The following NALCN variants were observed in gnomAD, a reference collection of about 807,000 sequenced individuals.
NALCN encodes the protein sodium leak channel, non-selective.
Under a neutral mutation model 225.3 loss-of-function variants are expected in NALCN, and 111 were observed. The ratio of observed to expected loss-of-function variants is 0.49; its 90% CI spans 0.42 to 0.58. NALCN has a LOEUF of 0.58. NALCN is among the 20% of genes least tolerant of loss of function. The pLI, the probability that NALCN is intolerant of heterozygous loss-of-function variation, is 0.00. For synonymous variants in NALCN, 764 were observed against 769.0 expected (o/e 0.99, Z 0.11); for missense variants, 1,378 against 2,202.4 (o/e 0.63, Z 7.49).
At position 101,128,690 on chromosome 13, in the gene NALCN, T is replaced by TG. The variant is rs546088229; in HGVS notation, c.2119-4010dup. Among the ~76,000 whole-genome samples the TG allele has an allele frequency of 2.6e-3, 402 of 152,240 alleles. 2 individuals are homozygous for TG. Among genetic ancestry groups the TG allele is most frequent in the African/African-American group, 9.2e-3 (384 of 41,528 alleles). ...CTCCTGTCTCAGCCTTCTGAGTAGCTGGGACTACAGGCGTGTGCCATCACA... is the reference window on the plus strand; with the variant it reads ...CTCCTGTCTCAGCCTTCTGAGTAGCTGGGGACTACAGGCGTGTGCCATCACA... On this transcript the variant is annotated intron_variant, in intron 17 of 43. Coordinates refer to ENST00000251127, the MANE Select transcript of NALCN (RefSeq NM_052867.4).
chr13:101,389,660 C>A (rs918058417), intron 3 of NALCN, among the ~76,000 whole-genome samples: 4 of 152,170 alleles, frequency 2.6e-5, no homozygotes, highest in African/African-American at 9.7e-5. Context: ...CTCGTACTGA[C>A]AATATGCAGA....
chr13:101,222,435 A>C (rs1309290918), intron 13 of NALCN, among the ~76,000 whole-genome samples: 2 of 152,088 alleles, frequency 1.3e-5, no homozygotes, highest in Non-Finnish European at 2.9e-5. Context: ...GATCCTGACC[A>C]ATACTCATGC....
intron 11 of NALCN, among the ~76,000 whole-genome samples, chr13:101,253,927 A>G (rs1228042365): frequency 2.0e-5 from 3 of 152,364 alleles, no homozygotes; most frequent in African/African-American, 7.2e-5. Flanking sequence ...TAAAAATAGA[A>G]TATATTATGA....
intron 7 of NALCN, among the ~76,000 whole-genome samples, chr13:101,338,334 AT>A (rs1566591761): frequency 6.6e-6 from 1 of 152,168 alleles, no homozygotes; most frequent in Non-Finnish European, 1.5e-5. Flanking sequence ...TTTATTCTGG[AT>A]TTTTTTGAAA....
At position 101,184,948 on chromosome 13, in the gene NALCN, T is replaced by G. The variant is rs149377968; in HGVS notation, c.1764+6969A>C. Reference sequence around the variant, plus strand: ...ATGTCCCTTTAGCTGAAATTTCACCTTTAATCTTATTTTCTTCTTTGCTGT... The same window carrying G: ...ATGTCCCTTTAGCTGAAATTTCACCGTTAATCTTATTTTCTTCTTTGCTGT... On this transcript the variant is annotated intron_variant, in intron 14 of 43. Coordinates refer to ENST00000251127, the MANE Select transcript of NALCN (RefSeq NM_052867.4). Among the ~76,000 whole-genome samples, 500 of 152,032 alleles carry G rather than the reference T, an allele frequency of 3.3e-3. 3 individuals carry two copies. Among genetic ancestry groups the G allele is most frequent in the Non-Finnish European group, 5.6e-3 (383 of 67,976 alleles).
At chr13:101,341,454 T>C (rs917950090) in intron 7 of NALCN, among the ~76,000 whole-genome samples, 2 of 152,204 alleles carry the variant, frequency 1.3e-5, no homozygotes, top group Non-Finnish European at 2.9e-5. Flanking sequence ...AATGTTTTCT[T>C]TAGCTTTGAT....
At chr13:101,262,998 A>G (rs567084372) in intron 10 of NALCN, among the ~76,000 whole-genome samples, 39 of 152,380 alleles carry the variant, frequency 2.6e-4, no homozygotes, top group African/African-American at 8.4e-4. Context: ...TTGTGAATCA[A>G]GCATTTTTCT....
intron 7 of NALCN, among the ~76,000 whole-genome samples, chr13:101,326,839 A>G (rs760023289): frequency 6.6e-5 from 10 of 152,192 alleles, no homozygotes; most frequent in Non-Finnish European, 1.2e-4. Flanking sequence ...TAGTCGGAGA[A>G]GGCTTTGTTC....
intron 7 of NALCN, 92 bp downstream of exon 7, chr13:101,345,174 C>T: frequency 7.6e-7 from 1 of 1,318,322 alleles, no homozygotes; most frequent in South Asian, 1.5e-5. Context: ...TACAGCCAGT[C>T]AAAATATTAG....
intron 7 of NALCN, among the ~76,000 whole-genome samples, chr13:101,313,575 C>T (rs570566507): frequency 2.6e-4 from 39 of 152,188 alleles, no homozygotes; most frequent in Non-Finnish European, 4.9e-4. Flanking sequence ...TGAAAAAATG[C>T]TCATCATCAC....
intron 7 of NALCN, among the ~76,000 whole-genome samples, chr13:101,333,176 T>C (rs2045247044): frequency 6.6e-6 from 1 of 152,190 alleles, no homozygotes; most frequent in Admixed American, 6.5e-5. Context: ...AAAATAGAAA[T>C]ACATCTCACT....
chr13:101,239,446 A>C (rs1410131921), intron 11 of NALCN, among the ~76,000 whole-genome samples: 3 of 152,000 alleles, frequency 2.0e-5, no homozygotes, highest in Non-Finnish European at 4.4e-5. Context: ...TGAATGATAA[A>C]GATTTGGGTA....
rs1399015183 is a variant in NALCN, at chr13:101,292,292, T to C, written c.874A>G (p.Ser292Gly). 3 of 1,614,134 alleles carry C rather than the reference T, an allele frequency of 1.9e-6. No individual in the cohort carries two copies. Among genetic ancestry groups the C allele is most frequent in the East Asian group, 4.5e-5 (2 of 44,868 alleles). ...AAGTAGGAACGCCAACGGGGAAAGC[T>C]GTCAATTGCTCTGTACATGAGGAAC... ...WVFLMYRAID[S>G]FPRWRSYFYF... Residue 292 changes from serine to glycine, a missense_variant, in exon 8 of 44, where the codon AGC becomes GGC. Physicochemically the swap from Ser to Gly is moderately conservative, Grantham distance 56. Around this residue, in one of 19 missense-constraint regions of NALCN, gnomAD observed 12 missense variants for 74.3 expected, o/e 0.16. Transcript: ENST00000251127. This position sits in a 1 kb window ranked among gnomAD's most constrained non-coding sequence, Gnocchi z 4.3.
intron 7 of NALCN, among the ~76,000 whole-genome samples, chr13:101,296,524 A>G (rs1320722553): frequency 6.6e-6 from 1 of 152,234 alleles, no homozygotes; most frequent in African/African-American, 2.4e-5. Context: ...GAAAATTTCT[A>G]GGAAGAACAT....
intron 12 of NALCN, among the ~76,000 whole-genome samples, chr13:101,232,062 T>A (rs536263939): frequency 6.6e-6 from 1 of 151,134 alleles, no homozygotes; most frequent in East Asian, 2.0e-4. Context: ...CTTACAGAGC[T>A]CCTGGGAGCC....
chr13:101,321,293 T>C (rs1008505040), intron 7 of NALCN, among the ~76,000 whole-genome samples: 2 of 152,032 alleles, frequency 1.3e-5, no homozygotes, highest in African/African-American at 2.4e-5. Context: ...GGGCGAAGCA[T>C]GTGAACCAGC....
At chr13:101,060,273 C>G (rs866831256) in intron 41 of NALCN, among the ~76,000 whole-genome samples, 27 of 49,316 alleles carry the variant, frequency 5.5e-4, no homozygotes, top group African/African-American at 3.0e-3. Context: ...TTGGTGTTTT[C>G]TGTTTTTTTT....
intron 13 of NALCN, among the ~76,000 whole-genome samples, chr13:101,206,727 AAT>A (rs3062610): frequency 0.3 from 44,420 of 146,976 alleles, 7,560 homozygotes; most frequent in Non-Finnish European, 0.39. Context: ...AGGTTTTTTA[AAT>A]ATATATATAT....
chr13:101,120,932 T>G (rs548265843), intron 18 of NALCN, among the ~76,000 whole-genome samples: 1 of 152,292 alleles, frequency 6.6e-6, no homozygotes, highest in African/African-American at 2.4e-5. Flanking sequence ...CAGACCTCCA[T>G]CCTACAAACA....
Sources: allele counts gnomAD v4.1 joint callset (sites outside exome capture counted in the v4.1 genomes callset), GRCh38; gene constraint gnomAD v4.1.1; regional missense constraint gnomAD v4.1.1; non-coding constraint Gnocchi (gnomAD v3.1); transcripts MANE v1.5; gene names NCBI Gene and HGNC (gene_info 2026-07-23, HGNC 2026-07-21).